Variants in CLYBL observed in about 807,000 individuals in gnomAD.
The protein encoded by CLYBL is citramalyl-CoA lyase, also known as citramalyl-CoA lyase, mitochondrial.
Under a neutral mutation model 38.9 loss-of-function variants are expected in CLYBL, and 31 were observed. The ratio of observed to expected loss-of-function variants is 0.80; its 90% CI spans 0.60 to 1.08. The LOEUF (loss-of-function observed/expected upper bound fraction) is 1.08. CLYBL is among the 50% of genes least tolerant of loss of function. The pLI is 0.00. For synonymous variants in CLYBL, 171 were observed against 158.6 expected (o/e 1.08, Z -0.59); for missense variants, 434 against 411.6 (o/e 1.05, Z -0.47).
intron 1 of CLYBL, among the ~76,000 whole-genome samples, chr13:99,620,198 A>G (rs1227026274): frequency 1.3e-5 from 2 of 152,232 alleles, no homozygotes; most frequent in African/African-American, 2.4e-5. Flanking sequence ...CTCAGGAGAA[A>G]GAGAAGGTAG....
chr13:99,759,909 C>A (rs1358502952), intron 1 of CLYBL, among the ~76,000 whole-genome samples: 1 of 152,170 alleles, frequency 6.6e-6, no homozygotes, highest in Non-Finnish European at 1.5e-5. Flanking sequence ...CAGCTTAATA[C>A]ATTCCACTAT....
In CLYBL at chr13:99,865,058, G is replaced by T; in HGVS notation, c.634+147G>T. ...AATGGTTTTTCATGACAATGGAATG[G>T]ACACTACTTCCTGATAATTTAGGGC... On this transcript the variant is annotated intron_variant, in intron 5 of 8. Transcript: ENST00000339105. This position sits in a 1 kb window ranked among gnomAD's most constrained non-coding sequence, Gnocchi z 4.7. 1.4e-6 allele frequency: 1 copy of T among 695,076 alleles called. No individual in the cohort carries two copies. Among genetic ancestry groups the T allele is most frequent in the Non-Finnish European group, 2.7e-6 (1 of 373,048 alleles). 43.1% of individuals were successfully genotyped at this position (695,076 alleles called of 1,614,324 possible).
chr13:99,710,424 A>C (rs2139488348), intron 1 of CLYBL, among the ~76,000 whole-genome samples: 1 of 152,258 alleles, frequency 6.6e-6, no homozygotes, highest in Non-Finnish European at 1.5e-5. Context: ...AGCTGGGGGA[A>C]TAATAAAGCT....
chr13:99,652,295 C>A (rs2047266515), intron 1 of CLYBL, among the ~76,000 whole-genome samples: 1 of 152,202 alleles, frequency 6.6e-6, no homozygotes, highest in Non-Finnish European at 1.5e-5. Context: ...TTGGGATAGT[C>A]AACAGCCAGT....
At chr13:99,880,909 C>G (rs1168806485) in intron 7 of CLYBL, among the ~76,000 whole-genome samples, 1 of 152,204 alleles carries the variant, frequency 6.6e-6, no homozygotes, top group Non-Finnish European at 1.5e-5. Flanking sequence ...ACTAACTGCC[C>G]AGGGTGCAGA....
chr13:99,606,841 G>A (rs2046532404), intron 1 of CLYBL, 84 bp downstream of exon 1: 9 of 1,293,490 alleles, frequency 7.0e-6, no homozygotes, highest in African/African-American at 1.6e-5. Context: ...GCCGGGCGCG[G>A]CCTCCCCAAG....
intron 1 of CLYBL, among the ~76,000 whole-genome samples, chr13:99,738,026 G>C (rs370187638): frequency 2.0e-5 from 3 of 152,172 alleles, no homozygotes; most frequent in African/African-American, 7.2e-5. Flanking sequence ...TTAATCAAGG[G>C]CTTAATTGCC....
At chr13:99,746,548 C>T (rs2048854979) in intron 1 of CLYBL, among the ~76,000 whole-genome samples, 2 of 152,070 alleles carry the variant, frequency 1.3e-5, no homozygotes. Context: ...TTAGGAAGAT[C>T]AACAGTGGGC....
At chr13:99,675,622 C>T (rs892012475) in intron 1 of CLYBL, among the ~76,000 whole-genome samples, 3 of 152,168 alleles carry the variant, frequency 2.0e-5, no homozygotes, top group Non-Finnish European at 2.9e-5. Flanking sequence ...TGGAATCATA[C>T]GATACGTGGT....
intron 2 of CLYBL, among the ~76,000 whole-genome samples, chr13:99,838,648 T>C (rs2050995071): frequency 6.6e-6 from 1 of 152,214 alleles, no homozygotes; most frequent in Admixed American, 6.5e-5. Context: ...TTCTTTTTCT[T>C]TTTTTGAAAC....
chr13:99,901,032 T>G (rs1314058421), downstream of CLYBL, among the ~76,000 whole-genome samples: 1 of 152,196 alleles, frequency 6.6e-6, no homozygotes, highest in Non-Finnish European at 1.5e-5. Flanking sequence ...GATTTTCTGC[T>G]GGGGGCTGGT....
At chr13:99,829,792 T>TAG (rs2139068750) in intron 2 of CLYBL, among the ~76,000 whole-genome samples, 2 of 152,318 alleles carry the variant, frequency 1.3e-5, no homozygotes, top group Admixed American at 1.3e-4. Context: ...GACAGCTGAT[T>TAG]AGAGCCTTGC....
chr13:99,729,771 A>G (rs1446740425), intron 1 of CLYBL, among the ~76,000 whole-genome samples: 1 of 152,232 alleles, frequency 6.6e-6, no homozygotes, highest in African/African-American at 2.4e-5. Context: ...TTCAGCCTGC[A>G]CTTGAGTATT....
At chr13:99,621,188 C>A (rs1001713202) in intron 1 of CLYBL, among the ~76,000 whole-genome samples, 7 of 152,118 alleles carry the variant, frequency 4.6e-5, no homozygotes, top group Non-Finnish European at 1.0e-4. Context: ...ATGGTGCCCA[C>A]CCCCTTGGAC....
intron 8 of CLYBL, among the ~76,000 whole-genome samples, chr13:99,904,991 C>A (rs909275949): frequency 6.6e-5 from 10 of 152,166 alleles, no homozygotes; most frequent in Admixed American, 1.3e-4. Flanking sequence ...ACACCTCCCC[C>A]ACCTTTTCTG....
intron 2 of CLYBL, among the ~76,000 whole-genome samples, chr13:99,840,750 C>CAAAAAAAAAAAAAAAAAAA (rs59274056): frequency 1.2e-4 from 2 of 16,814 alleles, no homozygotes; most frequent in African/African-American, 2.3e-4. Flanking sequence ...ACCCTTGTCT[C>CAAAAAAAAAAAAAAAAAAA]AAAAAAAAAA....
At chr13:99,654,200 GC>G (rs967493271) in intron 1 of CLYBL, among the ~76,000 whole-genome samples, 20 of 152,186 alleles carry the variant, frequency 1.3e-4, no homozygotes, top group Non-Finnish European at 2.8e-4. Flanking sequence ...ACACTCAGAT[GC>G]AGGAGAGGCT....
intron 1 of CLYBL, among the ~76,000 whole-genome samples, chr13:99,742,262 A>G (rs16956874): frequency 0.028 from 4,217 of 152,300 alleles, 199 homozygotes; most frequent in African/African-American, 0.096. Flanking sequence ...ATTCCTTACC[A>G]TTCAACAGCT....
chr13:99,609,175 T>G (rs1441451263), intron 1 of CLYBL, among the ~76,000 whole-genome samples: 1 of 124,690 alleles, frequency 8.0e-6, no homozygotes, highest in East Asian at 2.4e-4. Flanking sequence ...CTTTGTTTTT[T>G]TTTTTTTTTT....
Sources: allele counts gnomAD v4.1 joint callset (sites outside exome capture counted in the v4.1 genomes callset), GRCh38; gene constraint gnomAD v4.1.1; non-coding constraint Gnocchi (gnomAD v3.1); transcripts MANE v1.5; gene names NCBI Gene and HGNC (gene_info 2026-07-23, HGNC 2026-07-21).